STIM2: variants seen among roughly 807,000 people sequenced by gnomAD.
STIM2 encodes stromal interaction molecule 2.
Under a neutral mutation model 85.8 loss-of-function variants are expected in STIM2, and 31 were observed. That is an observed-to-expected ratio of 0.36 (90% CI 0.27 to 0.49). STIM2 has a LOEUF of 0.49. STIM2 is among the 20% of genes least tolerant of loss of function. The probability of loss-of-function intolerance (pLI) is 0.98; values close to 1 mark genes in which losing one functional copy is unlikely to be tolerated. For missense variants in STIM2, 841 were observed against 927.6 expected, an observed-to-expected ratio of 0.91 and a Z score of 1.21; for synonymous variants, 356 against 331.1, an observed-to-expected ratio of 1.08 and a Z score of -0.82.
At chr4:26,910,251 G>T (rs1033748958) in intron 1 of STIM2, among the ~76,000 whole-genome samples, 5 of 152,144 alleles carry the variant, frequency 3.3e-5, no homozygotes, top group African/African-American at 1.2e-4. Context: ...GCTGGTCACG[G>T]TGGCTCACGC....
chr4:26,881,237 A>C (rs1174021426), intron 1 of STIM2, among the ~76,000 whole-genome samples: 1 of 152,106 alleles, frequency 6.6e-6, no homozygotes, highest in Non-Finnish European at 1.5e-5. Flanking sequence ...AGGCCTAGGC[A>C]GGTGGATCAT....
chr4:26,923,193 C>T (rs892802971), intron 2 of STIM2, among the ~76,000 whole-genome samples: 1 of 150,758 alleles, frequency 6.6e-6, no homozygotes, highest in Non-Finnish European at 1.5e-5. Flanking sequence ...AACTAACAAC[C>T]AGAAAGGACA....
At chr4:26,909,543 G>A (rs570174909) in intron 1 of STIM2, among the ~76,000 whole-genome samples, 12 of 152,246 alleles carry the variant, frequency 7.9e-5, no homozygotes, top group African/African-American at 2.6e-4. Flanking sequence ...GTAAAACAAC[G>A]TATTGCACTT....
intron 3 of STIM2, among the ~76,000 whole-genome samples, chr4:26,966,392 CT>C (rs1364946661): frequency 6.6e-6 from 1 of 152,084 alleles, no homozygotes; most frequent in East Asian, 1.9e-4. Context: ...TTATATTCTA[CT>C]TTATGTAGAA....
chr4:27,017,077 T>C (rs1202755585), intron 10 of STIM2, among the ~76,000 whole-genome samples: 5 of 152,146 alleles, frequency 3.3e-5, no homozygotes, highest in Non-Finnish European at 5.9e-5. Flanking sequence ...GGAATGCCCA[T>C]TTAGTGAGGA....
chr4:26,871,384 G>A (rs1384415764), intron 1 of STIM2, among the ~76,000 whole-genome samples: 1 of 152,106 alleles, frequency 6.6e-6, no homozygotes, highest in Non-Finnish European at 1.5e-5. Context: ...TGTGATTAAT[G>A]TTACATTGTA....
At chr4:27,020,895 G>C in intron 11 of STIM2, 1 of 1,013,680 alleles carries the variant, frequency 9.9e-7, no homozygotes. Flanking sequence ...TTGCCTTTCT[G>C]TTCTGCCTTC....
At chr4:26,981,321 G>A (rs920440412) in intron 3 of STIM2, among the ~76,000 whole-genome samples, 6 of 152,154 alleles carry the variant, frequency 3.9e-5, no homozygotes, top group Non-Finnish European at 7.4e-5. Context: ...AAAGCCTAAT[G>A]TTTGCTGTTA....
At chr4:26,970,159 C>T (rs2109103378) in intron 3 of STIM2, among the ~76,000 whole-genome samples, 1 of 145,692 alleles carries the variant, frequency 6.9e-6, no homozygotes, top group East Asian at 2.0e-4. Flanking sequence ...GCTTCTGTAT[C>T]CAATCTGTTT....
At chr4:26,948,214 G>A (rs978919799) in intron 2 of STIM2, among the ~76,000 whole-genome samples, 3 of 152,058 alleles carry the variant, frequency 2.0e-5, no homozygotes, top group African/African-American at 7.2e-5. Flanking sequence ...ACAGCTCTAG[G>A]TCAAATCCTG....
At chr4:27,012,381 C>G (rs1029988084) in intron 10 of STIM2, among the ~76,000 whole-genome samples, 1 of 151,754 alleles carries the variant, frequency 6.6e-6, no homozygotes, top group African/African-American at 2.4e-5. Context: ...TTCCATTTAT[C>G]GAGATCTTTT....
chr4:26,874,728 C>T (rs1722754076), intron 1 of STIM2, among the ~76,000 whole-genome samples: 1 of 152,120 alleles, frequency 6.6e-6, no homozygotes, highest in Non-Finnish European at 1.5e-5. Context: ...GTAGTAAAAT[C>T]AGTAAGTATT....
chr4:27,020,223 C>T (rs1159885428), intron 11 of STIM2, among the ~76,000 whole-genome samples: 1 of 152,212 alleles, frequency 6.6e-6, no homozygotes, highest in East Asian at 1.9e-4. Flanking sequence ...CACAATGCAG[C>T]AAAGCCACAT....
At chr4:26,987,805 T>A (rs1727635886) in intron 3 of STIM2, among the ~76,000 whole-genome samples, 1 of 152,242 alleles carries the variant, frequency 6.6e-6, no homozygotes, top group African/African-American at 2.4e-5. Context: ...AGATTGCTCA[T>A]ATATAATGTT....
intron 1 of STIM2, among the ~76,000 whole-genome samples, chr4:26,897,373 G>C (rs188040155): frequency 6.6e-6 from 1 of 152,248 alleles, no homozygotes; most frequent in East Asian, 1.9e-4. Flanking sequence ...TTCCCTAATG[G>C]CCAGCAGTGT....
At chr4:26,861,419 C>G in intron 1 of STIM2, 50 bp downstream of exon 1, 1 of 1,278,686 alleles carries the variant, frequency 7.8e-7, no homozygotes, top group South Asian at 2.6e-5. Context: ...GCGATGGGAC[C>G]CCCAACCCGT....
At chr4:26,980,885 G>A (rs1577477358) in intron 3 of STIM2, among the ~76,000 whole-genome samples, 1 of 152,028 alleles carries the variant, frequency 6.6e-6, no homozygotes, top group Admixed American at 6.6e-5. Context: ...CAATATTGTG[G>A]GTTGACGAGA....
At chr4:27,020,870 T>C in intron 11 of STIM2, 1 of 747,080 alleles carries the variant, frequency 1.3e-6, no homozygotes, top group Non-Finnish European at 2.2e-6. Context: ...TGCTGGGTTA[T>C]AATCATATGT....
At chr4:26,911,504 A>G (rs535268308) in intron 1 of STIM2, among the ~76,000 whole-genome samples, 2 of 152,282 alleles carry the variant, frequency 1.3e-5, no homozygotes, top group Admixed American at 6.5e-5. Context: ...TTAGAATAGT[A>G]CTTAAGCCAT....
Sources: allele counts gnomAD v4.1 joint callset (sites outside exome capture counted in the v4.1 genomes callset), GRCh38; gene constraint gnomAD v4.1.1; transcripts MANE v1.5; gene names NCBI Gene and HGNC (gene_info 2026-07-23, HGNC 2026-07-21).